Variants in IMPACT observed in about 807,000 individuals in gnomAD.
The protein encoded by IMPACT is impact RWD domain protein, also known as protein IMPACT.
A neutral mutation model predicts 47.5 loss-of-function variants in IMPACT; 35 were observed. The ratio of observed to expected loss-of-function variants is 0.74; its 90% CI spans 0.56 to 0.98. The LOEUF (loss-of-function observed/expected upper bound fraction) is 0.98, where lower values mean the gene tolerates loss of function less well. Ranked by LOEUF, IMPACT falls within the 50% of genes least tolerant of loss-of-function variation. The pLI is 0.00. For synonymous variants in IMPACT, 118 were observed against 125.6 expected, an observed-to-expected ratio of 0.94 and a Z score of 0.40; for missense variants, 373 against 394.8, an observed-to-expected ratio of 0.94 and a Z score of 0.47.
intron 9 of IMPACT, among the ~76,000 whole-genome samples, chr18:24,449,185 A>G (rs1321114248): frequency 6.6e-6 from 1 of 151,966 alleles, no homozygotes; most frequent in Non-Finnish European, 1.5e-5. Context: ...ACATGGTGAA[A>G]CCCTGTCTCT....
rs750801155 is a variant in IMPACT, at chr18:24,440,555, T to A, written c.427T>A (p.Leu143Ile). The A allele has an allele frequency of 1.4e-5, 22 of 1,613,334 alleles. No homozygotes were observed. The highest frequency in any genetic ancestry group is 1.9e-5 in the Non-Finnish European group (22 of 1,179,452). ...TGTTGAATGTGAAGATGATCTCATT[T>A]TAGCATGTCAGCCGGAAAGTTCGCT... The part of the protein sequence containing the change: ...EDVECEDDLI[L>I]ACQPESSLKA... Residue 143 changes from leucine (L) to isoleucine (I), a missense_variant, in exon 6 of 11, where the codon TTA (leucine) becomes ATA (isoleucine). Leu to Ile is a conservative substitution (Grantham distance 5, BLOSUM62 2). Coordinates refer to ENST00000284202, the MANE Select transcript of IMPACT (RefSeq NM_018439.4).
chr18:24,433,331 CTGGGACTA>C (rs1908812360), intron 4 of IMPACT, among the ~76,000 whole-genome samples: 1 of 149,916 alleles, frequency 6.7e-6, no homozygotes, highest in Admixed American at 6.7e-5. Flanking sequence ...TCCCGAGTAG[CTGGGACTA>C]CAGGCGCCCG....
Position 24,450,898 on chromosome 18 carries a change from C to A in IMPACT, c.*51C>A. 9.2e-7 allele frequency: 1 copy of A among 1,084,540 alleles called. No individual in the cohort carries two copies. Among genetic ancestry groups the A allele is most frequent in the South Asian group, 1.3e-5 (1 of 74,518 alleles). 67.2% of individuals were successfully genotyped at this position (1,084,540 alleles called of 1,614,324 possible). On this transcript the variant is annotated 3_prime_UTR_variant, in exon 11 of 11. Transcript: ENST00000284202. ...TTTGCCTATAATTATATATACATTC[C>A]ATAGTCATCAAGGAATATATTGTGC... is the stretch of plus-strand genomic sequence containing the variant.
intron 4 of IMPACT, among the ~76,000 whole-genome samples, chr18:24,434,796 T>G: frequency 4.3e-5 from 1 of 23,114 alleles, no homozygotes; most frequent in African/African-American, 8.9e-5. Context: ...TATATATATA[T>G]GTGTGTGTGT....
At chr18:24,429,948 T>C (rs1908709477) in intron 3 of IMPACT, among the ~76,000 whole-genome samples, 1 of 152,052 alleles carries the variant, frequency 6.6e-6, no homozygotes, top group South Asian at 2.1e-4. Flanking sequence ...CAGCTAATTT[T>C]TTGTATTTTT....
chr18:24,450,164 A>G (rs988505548), intron 10 of IMPACT, among the ~76,000 whole-genome samples: 1 of 152,180 alleles, frequency 6.6e-6, no homozygotes, highest in African/African-American at 2.4e-5. Context: ...CCTTGATTTC[A>G]TAGGACAGAC....
At chr18:24,428,635 A>T (rs1006136133) in intron 2 of IMPACT, among the ~76,000 whole-genome samples, 13 of 152,350 alleles carry the variant, frequency 8.5e-5, no homozygotes, top group African/African-American at 2.9e-4. Context: ...GCTATTTCAT[A>T]TAGTTAATGG....
intron 5 of IMPACT, 77 bp from the exon 6 acceptor site, chr18:24,440,419 A>C: frequency 6.6e-7 from 1 of 1,505,412 alleles, no homozygotes; most frequent in Non-Finnish European, 9.1e-7. Context: ...TTTAGAACCC[A>C]AGACCCAGTG....
At chr18:24,428,624 A>G (rs887482971) in intron 2 of IMPACT, among the ~76,000 whole-genome samples, 6 of 152,212 alleles carry the variant, frequency 3.9e-5, no homozygotes, top group African/African-American at 1.4e-4. Flanking sequence ...ATTATATGTT[A>G]GCTATTTCAT....
At chr18:24,436,756 G>T (rs186808729) in intron 4 of IMPACT, among the ~76,000 whole-genome samples, 1 of 151,932 alleles carries the variant, frequency 6.6e-6, no homozygotes, top group African/African-American at 2.4e-5. Context: ...TTGCCAAGTT[G>T]CCCAGGCTGG....
intron 8 of IMPACT, 48 bp downstream of exon 8, chr18:24,445,514 A>G: frequency 9.0e-7 from 1 of 1,107,372 alleles, no homozygotes. Context: ...TTAAAAATAG[A>G]GGGAAATGAT....
chr18:24,450,923 CAG>C lies in IMPACT; in HGVS notation c.*83_*84del. On this transcript the variant is annotated 3_prime_UTR_variant, in exon 11 of 11. Coordinates refer to ENST00000284202, the MANE Select transcript of IMPACT (RefSeq NM_018439.4). Reference sequence around the variant, plus strand: ...CATAGTCATCAAGGAATATATTGTGCAGAGAGAGTATCCTTGACTGCTTAAGT... The same window carrying C: ...CATAGTCATCAAGGAATATATTGTGCAGAGAGTATCCTTGACTGCTTAAGT... 1 of 881,904 alleles carries C rather than the reference CAG, an allele frequency of 1.1e-6. No individual in the cohort carries two copies. The highest frequency in any genetic ancestry group is 2.3e-5 in the Admixed American group (1 of 43,900). The allele number at this position is 881,904 out of a possible 1,614,324, so 54.6% of individuals were successfully genotyped here.
intron 8 of IMPACT, among the ~76,000 whole-genome samples, chr18:24,446,603 G>C (rs1398741792): frequency 6.6e-6 from 1 of 152,300 alleles, no homozygotes; most frequent in East Asian, 1.9e-4. Context: ...ACTATTTGTA[G>C]AATCTAGGCT....
Position 24,430,317 on chromosome 18 carries a change from C to T in IMPACT, c.219-5C>T. The T allele has an allele frequency of 6.3e-7, 1 of 1,578,020 alleles. No individual in the cohort carries two copies. The highest frequency in any genetic ancestry group is 8.6e-7 in the Non-Finnish European group (1 of 1,160,996). ...AATCTTCTTAATTGTTTTATTTAAT[C>T]TTAGTGCTCCTTGGCTTAAAGGGCA... On this transcript the variant is annotated splice_polypyrimidine_tract_variant and splice_region_variant and intron_variant, in intron 3 of 10. Coordinates refer to ENST00000284202, the MANE Select transcript of IMPACT (RefSeq NM_018439.4).
At chr18:24,428,734 T>A in intron 2 of IMPACT, 135 bp from the exon 3 acceptor site, 1 of 599,366 alleles carries the variant, frequency 1.7e-6, no homozygotes, top group East Asian at 3.0e-5. Flanking sequence ...CAGGGTATAA[T>A]GTCCATATTT....
intron 8 of IMPACT, among the ~76,000 whole-genome samples, chr18:24,446,885 CTG>C (rs1402844345): frequency 1.3e-5 from 2 of 152,198 alleles, no homozygotes; most frequent in Non-Finnish European, 2.9e-5. Context: ...AGTGCCTACT[CTG>C]TGCCAAAACT....
Position 24,434,540 on chromosome 18 carries a change from A to T in IMPACT, c.282-3415A>T, listed in dbSNP as rs530724233. Among the ~76,000 whole-genome samples the T allele has an allele frequency of 3.9e-5, 6 of 152,194 alleles. No homozygotes were observed. In the East Asian group the frequency reaches 1.2e-3, roughly 29 times the overall value. Reference sequence around the variant, plus strand: ...GTAATCCCAGCACTTTGGGAGGCTGAGGCAGGCGGATCACCTGAGGTCAGG... The same window carrying T: ...GTAATCCCAGCACTTTGGGAGGCTGTGGCAGGCGGATCACCTGAGGTCAGG... On this transcript the variant is annotated intron_variant, in intron 4 of 10. Transcript: ENST00000284202.
At chr18:24,448,211 G>A (rs764777555) in intron 9 of IMPACT, 28 bp downstream of exon 9, 1 of 1,443,458 alleles carries the variant, frequency 6.9e-7, no homozygotes, top group African/African-American at 1.4e-5. Flanking sequence ...TATCAATCCT[G>A]TTCTGTACAA....
At chr18:24,444,688 T>C (rs1284116540) in intron 7 of IMPACT, among the ~76,000 whole-genome samples, 1 of 152,222 alleles carries the variant, frequency 6.6e-6, no homozygotes, top group African/African-American at 2.4e-5. Context: ...TTGTTCCCAC[T>C]AAGGTTGCCA....
Sources: gnomAD v4.1 joint callset for allele counts (sites outside exome capture counted in the v4.1 genomes callset) on GRCh38, gnomAD v4.1.1 for gene constraint, MANE v1.5 for transcripts, NCBI Gene and HGNC (gene_info 2026-07-23, HGNC 2026-07-21) for gene names.